The following DCTN4 variants were observed in gnomAD, a reference collection of about 807,000 sequenced individuals.
The protein encoded by DCTN4 is dynactin 4 (p62).
Under a neutral mutation model 62.7 loss-of-function variants are expected in DCTN4, and 23 were observed. That is an observed-to-expected ratio of 0.37 (90% CI 0.26 to 0.52). The LOEUF is 0.52. Among genes scored for constraint, DCTN4 ranks in the 20% least tolerant of loss-of-function variants. The pLI is 0.92. For synonymous variants in DCTN4, 199 were observed against 202.1 expected (o/e 0.98, Z 0.13); for missense variants, 514 against 580.4 (o/e 0.89, Z 1.18).
chr5:150,716,562 C>T (rs1457230389), intron 11 of DCTN4, among the ~76,000 whole-genome samples: 2 of 152,040 alleles, frequency 1.3e-5, no homozygotes, highest in African/African-American at 4.8e-5. Context: ...TAAAGATATG[C>T]TGTGCTTATG....
In DCTN4 at chr5:150,718,400, A is replaced by G; in HGVS notation, c.964-17T>C. The G allele has an allele frequency of 1.9e-6, 3 of 1,579,342 alleles. No individual in the cohort carries two copies. Among genetic ancestry groups the G allele is most frequent in the Non-Finnish European group, 2.6e-6 (3 of 1,149,920 alleles). The stretch of plus-strand genomic sequence containing the variant: ...CTGGCTCTCCTGGTGAATAGGAAAC[A>G]CATCTCTCAGACATTCGCCACTTTC... On this transcript the variant is annotated splice_polypyrimidine_tract_variant and intron_variant, in intron 10 of 12. Coordinates refer to ENST00000447998, the MANE Select transcript of DCTN4 (RefSeq NM_016221.4).
rs78876252 is a variant in DCTN4, at chr5:150,730,376, C to T, written c.834+255G>A. Among the ~76,000 whole-genome samples the T allele has an allele frequency of 4.3e-3, 661 of 152,270 alleles. 4 individuals carry two copies. Among genetic ancestry groups the T allele is most frequent in the African/African-American group, 0.015 (633 of 41,544 alleles). On this transcript the variant is annotated intron_variant, in intron 8 of 12. Transcript: ENST00000447998. ...TTTCACTATTCTTTTAGGGGTTAAC[C>T]CTATGTACTTAACCTTCAGATACTT...
Position 150,722,915 on chromosome 5 carries a change from C to T in DCTN4, c.900G>A (p.Leu300=). Residue 300 remains leucine (L), a synonymous_variant, in exon 9 of 13, where the codon CTG becomes CTA. Transcript: ENST00000447998. The part of the protein sequence containing the change: ...NPTSIKFKIQ[L]VAVNYIPEVR... Reference sequence around the variant, plus strand: ...AATCCCAAAATACTTACACAGCGACCAGCTGGATTTTGAATTTGATTGACG... The same window carrying T: ...AATCCCAAAATACTTACACAGCGACTAGCTGGATTTTGAATTTGATTGACG... 1 of 1,611,802 alleles carries T rather than the reference C, an allele frequency of 6.2e-7. No individual in the cohort carries two copies. The highest frequency in any genetic ancestry group is 2.2e-5 in the East Asian group (1 of 44,736).
chr5:150,743,122 G>T (rs147772718), intron 3 of DCTN4: 1,686 of 152,956 alleles, frequency 0.011, 30 homozygotes, highest in African/African-American at 0.037. Context: ...ACTCCCACCC[G>T]AATACTGCGC....
chr5:150,711,062 C>A lies in DCTN4; in HGVS notation c.*87G>T. On this transcript the variant is annotated 3_prime_UTR_variant, in exon 13 of 13. Coordinates refer to ENST00000447998, the MANE Select transcript of DCTN4 (RefSeq NM_016221.4). ...TAGTGCATGGGTACATCGTTATAAA[C>A]AAGGCCTAATGAAGCAGCAGCTTCC... 7.8e-7 allele frequency: 1 copy of A among 1,277,418 alleles called. No individual in the cohort carries two copies. 79.1% of individuals were successfully genotyped at this position (1,277,418 alleles called of 1,614,324 possible). A position where few individuals can be genotyped will look rare whatever the true frequency, so the allele number is the denominator to read the frequency against.
chr5:150,718,350 C>A lies in DCTN4; in HGVS notation c.997G>T (p.Val333Phe), dbSNP rs149725036. ...SQVLLTLTNP[V>F]ENLTHVTLFE... ...AGAGTCACATGGGTGAGGTTCTCAACTGGATTTGTAAGAGTCAGGAGGACC... is the reference window on the plus strand; with the variant it reads ...AGAGTCACATGGGTGAGGTTCTCAAATGGATTTGTAAGAGTCAGGAGGACC... The change falls in exon 11 of 13, where the codon GTT becomes TTT. Residue 333 changes from valine (V) to phenylalanine (F), a missense_variant. Coordinates refer to ENST00000447998, the MANE Select transcript of DCTN4 (RefSeq NM_016221.4). 1 of 1,614,056 alleles carries A rather than the reference C, an allele frequency of 6.2e-7. No homozygotes were observed. The highest frequency in any genetic ancestry group is 1.3e-5 in the African/African-American group (1 of 75,036).
At chr5:150,748,245 T>TCA (rs1393720400) in intron 3 of DCTN4, among the ~76,000 whole-genome samples, 2 of 149,518 alleles carry the variant, frequency 1.3e-5, no homozygotes, top group Non-Finnish European at 3.0e-5. Flanking sequence ...AGATACCATC[T>TCA]CACACCAGTT....
At chr5:150,726,509 G>A (rs1055728069) in intron 8 of DCTN4, among the ~76,000 whole-genome samples, 23 of 152,086 alleles carry the variant, frequency 1.5e-4, no homozygotes, top group African/African-American at 4.1e-4. Context: ...AATCCTCCCC[G>A]CCATTATCCT....
At chr5:150,756,612 T>A (rs1752873152) in intron 1 of DCTN4, 125 bp from the exon 2 acceptor site, 1 of 469,380 alleles carries the variant, frequency 2.1e-6, no homozygotes, top group East Asian at 3.6e-5. Flanking sequence ...TGTTTTCTGC[T>A]TAGGGTTTAT....
intron 1 of DCTN4, chr5:150,757,862 G>T (rs900816894): frequency 6.4e-6 from 1 of 155,694 alleles, no homozygotes; most frequent in Non-Finnish European, 1.4e-5. Flanking sequence ...GAGTTAGGCT[G>T]TTTAGATTCA....
At chr5:150,719,664 C>T in intron 10 of DCTN4, 52 bp downstream of exon 10, 2 of 1,309,218 alleles carry the variant, frequency 1.5e-6, no homozygotes, top group Non-Finnish European at 2.2e-6. Context: ...TACACATGTA[C>T]ACACATCATT....
chr5:150,744,935 C>T (rs539978353), intron 3 of DCTN4, among the ~76,000 whole-genome samples: 23 of 151,104 alleles, frequency 1.5e-4, no homozygotes, highest in Middle Eastern at 3.4e-3. Flanking sequence ...AATTCACACA[C>T]AACAATATTA....
Position 150,709,208 on chromosome 5 carries a change from G to A in DCTN4, c.*1941C>T, listed in dbSNP as rs10515642. On this transcript the variant is annotated 3_prime_UTR_variant, in exon 13 of 13. Transcript: ENST00000447998. ...AGTGGCTCTATTATTCTGCAAGTTAGTTTGGCTTCTGAAGAAAAAAGTTTA... is the reference window on the plus strand; with the variant it reads ...AGTGGCTCTATTATTCTGCAAGTTAATTTGGCTTCTGAAGAAAAAAGTTTA... The A allele has an allele frequency of 0.084, 12,783 of 152,796 alleles. 1,655 individuals are homozygous for A. Among genetic ancestry groups the A allele is most frequent in the African/African-American group, 0.28 (11,494 of 41,502 alleles). 9.5% of individuals were successfully genotyped at this position (152,796 alleles called of 1,614,324 possible). A position where few individuals can be genotyped will look rare whatever the true frequency, so the allele number is the denominator to read the frequency against.
rs560026352 is a variant in DCTN4 at position 150,749,835 on chromosome 5, C to T, written c.385+3644G>A. 1.4e-4 allele frequency among the ~76,000 whole-genome samples: 21 copies of T among 152,170 alleles called. No individual in the cohort carries two copies. In the South Asian group the frequency reaches 3.1e-3, roughly 23 times the overall value. On this transcript the variant is annotated intron_variant, in intron 3 of 12. Coordinates refer to ENST00000447998, the MANE Select transcript of DCTN4 (RefSeq NM_016221.4). ...ATTCACATAAGCCAAAACCCAAAAA[C>T]AATCCAAATGTTCAAGTGGAGAATG...
chr5:150,714,158 T>C (rs908437385), intron 12 of DCTN4, among the ~76,000 whole-genome samples: 4 of 152,162 alleles, frequency 2.6e-5, no homozygotes, highest in Non-Finnish European at 5.9e-5. Flanking sequence ...GCCAGTTTAC[T>C]AAGCTATTAT....
At chr5:150,737,460 G>C (rs1024806558) in intron 4 of DCTN4, among the ~76,000 whole-genome samples, 5 of 152,222 alleles carry the variant, frequency 3.3e-5, no homozygotes, top group African/African-American at 7.2e-5. Context: ...ACCTCCAAAA[G>C]GAACTCTTGA....
chr5:150,711,287 C>A lies in DCTN4; in HGVS notation c.1245G>T (p.Val415=). 6.2e-7 allele frequency: 1 copy of A among 1,613,538 alleles called. No homozygotes were observed. The highest frequency in any genetic ancestry group is 1.1e-5 in the South Asian group (1 of 91,026). The part of the protein sequence containing the change: ...KVTPQREEGE[V]TVCFKMKHDF... ...CATGCTTCATCTTGAAGCACACGGT[C>A]ACTTCACCCTCCTCACGCTGTGGTG... The change falls in exon 13 of 13, where the codon GTG becomes GTT. Residue 415 remains valine (V), a synonymous_variant. Coordinates refer to ENST00000447998, the MANE Select transcript of DCTN4 (RefSeq NM_016221.4).
intron 2 of DCTN4, among the ~76,000 whole-genome samples, chr5:150,755,765 G>A (rs1003996268): frequency 6.6e-6 from 1 of 152,046 alleles, no homozygotes; most frequent in South Asian, 2.1e-4. Context: ...GGAAAAAAAG[G>A]AGACCACAGA....
At chr5:150,729,610 C>CTTTT (rs61580837) in intron 8 of DCTN4, among the ~76,000 whole-genome samples, 25 of 141,704 alleles carry the variant, frequency 1.8e-4, no homozygotes, top group African/African-American at 5.7e-4. Flanking sequence ...AGAAAAAATA[C>CTTTT]TTTTTTTTTT....
Sources: gnomAD v4.1 joint callset for allele counts (sites outside exome capture counted in the v4.1 genomes callset) on GRCh38, gnomAD v4.1.1 for gene constraint, MANE v1.5 for transcripts, NCBI Gene and HGNC (gene_info 2026-07-23, HGNC 2026-07-21) for gene names.